STXBP4: variants seen among roughly 807,000 people sequenced by gnomAD.
STXBP4 encodes the protein syntaxin-binding protein 4.
Under a neutral mutation model 76.1 loss-of-function variants are expected in STXBP4, and 55 were observed. The observed-to-expected ratio is 0.72, with a 90% CI of 0.58 to 0.91. STXBP4 has a LOEUF of 0.91. STXBP4 is among the 40% of genes least tolerant of loss of function. STXBP4 has a pLI of 0.00. For missense variants in STXBP4, 618 were observed against 636.9 expected (o/e 0.97, Z 0.32); for synonymous variants, 201 against 220.2 (o/e 0.91, Z 0.77).
chr17:55,081,018 G>A, intron 15 of STXBP4, 32 bp from the exon 16 acceptor site: 1 of 1,418,884 alleles, frequency 7.0e-7, no homozygotes, highest in Non-Finnish European at 9.2e-7. Flanking sequence ...TTATTGTGTA[G>A]TAAGTTCAAC....
chr17:55,061,437 T>C (rs1418290687), intron 12 of STXBP4, among the ~76,000 whole-genome samples: 1 of 152,202 alleles, frequency 6.6e-6, no homozygotes, highest in Non-Finnish European at 1.5e-5. Flanking sequence ...TGTTTTAAGA[T>C]GCTATCTCAT....
intron 4 of STXBP4, among the ~76,000 whole-genome samples, chr17:54,994,615 G>C (rs1189907640): frequency 6.6e-6 from 1 of 151,998 alleles, no homozygotes. Context: ...CATCAGTTTT[G>C]AATCAGCCCT....
the STXBP4 span, among the ~76,000 whole-genome samples, chr17:55,199,150 A>G: frequency 6.6e-6 from 1 of 152,250 alleles, no homozygotes; most frequent in Admixed American, 6.5e-5. Flanking sequence ...TTAGGTCTAC[A>G]TCTGCTGCTG....
rs560921015 is a variant in STXBP4, at chr17:55,045,658, A to G, written c.946-1431A>G. 2.9e-4 allele frequency among the ~76,000 whole-genome samples: 44 copies of G among 152,258 alleles called. 1 individual carries two copies. The highest frequency in any genetic ancestry group is 3.4e-3 in the Middle Eastern group (1 of 292). Reference sequence around the variant, plus strand: ...TAAAGTTCATGAAATGTAACTGAATATACCCTGATATGACAAAACCTAAAC... The same window carrying G: ...TAAAGTTCATGAAATGTAACTGAATGTACCCTGATATGACAAAACCTAAAC... On this transcript the variant is annotated intron_variant, in intron 11 of 17. Coordinates refer to ENST00000376352, the MANE Select transcript of STXBP4 (RefSeq NM_178509.6).
chr17:55,210,259 GA>G, the STXBP4 span, among the ~76,000 whole-genome samples: 23 of 152,258 alleles, frequency 1.5e-4, 1 homozygote, highest in South Asian at 1.2e-3. Context: ...ACCCTAATGA[GA>G]AAAGCCTGAG....
chr17:55,048,196 C>T (rs2078816034), intron 12 of STXBP4, among the ~76,000 whole-genome samples: 5 of 151,810 alleles, frequency 3.3e-5, no homozygotes, highest in Admixed American at 3.3e-4. Context: ...GGATAGAATT[C>T]CTTGGAGACT....
chr17:55,180,217 CCGT>C, the STXBP4 span, among the ~76,000 whole-genome samples: 1 of 152,154 alleles, frequency 6.6e-6, no homozygotes, highest in African/African-American at 2.4e-5. Context: ...CATGATAAGA[CCGT>C]CGTAAATGTG....
intron 12 of STXBP4, among the ~76,000 whole-genome samples, chr17:55,051,475 G>T (rs1188634905): frequency 6.6e-6 from 1 of 152,120 alleles, no homozygotes; most frequent in African/African-American, 2.4e-5. Context: ...TTGTTTTAGT[G>T]GTGGGGCAAA....
chr17:55,075,912 A>G (rs2079176470), intron 13 of STXBP4, among the ~76,000 whole-genome samples: 1 of 152,118 alleles, frequency 6.6e-6, no homozygotes, highest in South Asian at 2.1e-4. Context: ...TAAATGTTAT[A>G]AACCAAGGTT....
At chr17:55,176,122 G>A (rs1203467501), downstream of STXBP4, among the ~76,000 whole-genome samples, 1 of 152,190 alleles carries the variant, frequency 6.6e-6, no homozygotes, top group Non-Finnish European at 1.5e-5. Context: ...CCACCTTCTA[G>A]GGGCACAGAT....
intron 16 of STXBP4, among the ~76,000 whole-genome samples, chr17:55,088,687 G>A (rs759974901): frequency 6.6e-5 from 10 of 152,166 alleles, no homozygotes; most frequent in East Asian, 3.8e-4. Context: ...GTGAGCCACC[G>A]TGCCAGGCCT....
the STXBP4 span, among the ~76,000 whole-genome samples, chr17:55,189,542 T>C: frequency 6.6e-6 from 1 of 152,192 alleles, no homozygotes; most frequent in East Asian, 1.9e-4. Flanking sequence ...CTGCCCTAGA[T>C]CTCAGAGACG....
rs377084537 is a variant in STXBP4 at position 55,075,744 on chromosome 17, G to C, written c.1189-2334G>C. On this transcript the variant is annotated intron_variant, in intron 13 of 17. Transcript: ENST00000376352. ...GTGTTACATCATTACAGTTTAATTT[G>C]AATTTCCCTGGTTACTAATGGCTTT... Among the ~76,000 whole-genome samples, 223 of 152,174 alleles carry C rather than the reference G, an allele frequency of 1.5e-3. 7 individuals carry two copies. The South Asian group carries it at 0.045, about 31-fold the overall frequency.
At chr17:54,977,282 C>T (rs1028871910) in intron 1 of STXBP4, among the ~76,000 whole-genome samples, 25 of 152,094 alleles carry the variant, frequency 1.6e-4, no homozygotes, top group Non-Finnish European at 2.9e-4. Flanking sequence ...CATCAGTATC[C>T]GCAGGTTCCA....
intron 11 of STXBP4, 181 bp downstream of exon 11, chr17:55,043,506 C>A: frequency 9.8e-7 from 1 of 1,016,738 alleles, no homozygotes; most frequent in Non-Finnish European, 1.4e-6. Flanking sequence ...TTTTGGTCTA[C>A]ATATTTATAT....
intron 1 of STXBP4, among the ~76,000 whole-genome samples, chr17:54,978,109 A>C (rs2077497004): frequency 6.6e-6 from 1 of 152,240 alleles, no homozygotes; most frequent in Non-Finnish European, 1.5e-5. Flanking sequence ...TATTTTAAAA[A>C]GAAAATCGTT....
At chr17:55,037,055 C>T (rs2078615912) in intron 10 of STXBP4, among the ~76,000 whole-genome samples, 1 of 152,000 alleles carries the variant, frequency 6.6e-6, no homozygotes, top group Non-Finnish European at 1.5e-5. Flanking sequence ...TTGCAATCAC[C>T]CACAGATCTG....
chr17:54,978,405 ATAGCAG>A (rs2077501257), intron 1 of STXBP4, among the ~76,000 whole-genome samples: 1 of 152,202 alleles, frequency 6.6e-6, no homozygotes, highest in East Asian at 1.9e-4. Flanking sequence ...TTTTTAAATT[ATAGCAG>A]AAAATAAGTG....
chr17:55,128,875 A>G (rs970628074), intron 16 of STXBP4, among the ~76,000 whole-genome samples: 1 of 150,868 alleles, frequency 6.6e-6, no homozygotes, highest in African/African-American at 2.4e-5. Context: ...TTGGCCTCCC[A>G]AAGTGCTGGA....
Sources: allele counts gnomAD v4.1 joint callset (sites outside exome capture counted in the v4.1 genomes callset), GRCh38; gene constraint gnomAD v4.1.1; transcripts MANE v1.5; gene names NCBI Gene and HGNC (gene_info 2026-07-23, HGNC 2026-07-21).